Variants in NRXN3 observed in about 807,000 individuals in gnomAD.
NRXN3 encodes the protein neurexin III.
A neutral mutation model predicts 137.6 loss-of-function variants in NRXN3; 32 were observed. That is an observed-to-expected ratio of 0.23 (90% confidence interval 0.18 to 0.31). The LOEUF is 0.31. Among genes scored for constraint, NRXN3 ranks in the 10% least tolerant of loss-of-function variants. The pLI is 1.00. For synonymous variants in NRXN3, 798 were observed against 784.5 expected, an observed-to-expected ratio of 1.02 and a Z score of -0.29; for missense variants, 1,574 against 2,062.5, an observed-to-expected ratio of 0.76 and a Z score of 4.59.
chr14:79,653,604 T>G (rs891780855), intron 16 of NRXN3, among the ~76,000 whole-genome samples: 1 of 152,194 alleles, frequency 6.6e-6, no homozygotes, highest in African/African-American at 2.4e-5. Context: ...TATTTTGAGT[T>G]GATTTTAGTA....
At chr14:79,395,715 A>C (rs2094999698) in intron 15 of NRXN3, among the ~76,000 whole-genome samples, 1 of 152,050 alleles carries the variant, frequency 6.6e-6, no homozygotes, top group Non-Finnish European at 1.5e-5. Context: ...AGGCTGAGTC[A>C]GGAGAATGGC....
intron 4 of NRXN3, among the ~76,000 whole-genome samples, chr14:78,511,735 T>G (rs1291787206): frequency 1.3e-5 from 2 of 152,220 alleles, no homozygotes; most frequent in African/African-American, 4.8e-5. Context: ...CAGCTATTTA[T>G]CCATCATTAC....
At position 79,711,665 on chromosome 14, in the gene NRXN3, T is replaced by C. The variant is rs564103404; in HGVS notation, c.4014+13728T>C. On this transcript the variant is annotated intron_variant, in intron 19 of 20. Coordinates refer to ENST00000335750, the MANE Select transcript of NRXN3 (RefSeq NM_001330195.2). The stretch of plus-strand genomic sequence containing the variant: ...CTTGAACTGTGCCTAGATATCCCCT[T>C]TGGGGAAAAGGCATCACCTTAGTTG... 2.6e-5 allele frequency among the ~76,000 whole-genome samples: 4 copies of C among 152,272 alleles called. No individual in the cohort carries two copies. The South Asian group carries it at 8.3e-4, about 32-fold the overall frequency.
At chr14:79,374,533 G>T (rs1340874458) in intron 15 of NRXN3, among the ~76,000 whole-genome samples, 1 of 151,808 alleles carries the variant, frequency 6.6e-6, no homozygotes, top group Non-Finnish European at 1.5e-5. Flanking sequence ...AATTAATCCT[G>T]CATAATGTGG....
At chr14:78,399,272 TAATAA>T (rs1176499218) in intron 4 of NRXN3, among the ~76,000 whole-genome samples, 5 of 152,086 alleles carry the variant, frequency 3.3e-5, no homozygotes, top group Non-Finnish European at 7.4e-5. Context: ...AAAATACACA[TAATAA>T]AATATTTAAA....
intron 15 of NRXN3, among the ~76,000 whole-genome samples, chr14:79,108,627 G>A (rs2052906135): frequency 6.6e-6 from 1 of 152,040 alleles, no homozygotes; most frequent in South Asian, 2.1e-4. Context: ...CCACATCCAT[G>A]GTAATCACAG....
intron 15 of NRXN3, among the ~76,000 whole-genome samples, chr14:79,142,743 T>A (rs766246093): frequency 6.6e-6 from 1 of 152,152 alleles, no homozygotes; most frequent in Non-Finnish European, 1.5e-5. Flanking sequence ...GCAGCCAAAC[T>A]CTTCACAATT....
chr14:78,487,827 C>T (rs756947514), intron 4 of NRXN3, among the ~76,000 whole-genome samples: 6 of 151,630 alleles, frequency 4.0e-5, no homozygotes, highest in Admixed American at 1.3e-4. Context: ...AATAAAGACT[C>T]GGTAGACATG....
intron 10 of NRXN3, among the ~76,000 whole-genome samples, chr14:78,890,461 G>A (rs556780844): frequency 6.6e-6 from 1 of 151,824 alleles, no homozygotes; most frequent in African/African-American, 2.4e-5. Flanking sequence ...AGGTTTAACT[G>A]TAGGTGGCCA....
chr14:79,091,283 A>G (rs2049127323), intron 15 of NRXN3, among the ~76,000 whole-genome samples: 2 of 152,182 alleles, frequency 1.3e-5, no homozygotes, highest in Admixed American at 6.6e-5. Context: ...AGTATTCTAT[A>G]TAAGGTCTGG....
intron 4 of NRXN3, among the ~76,000 whole-genome samples, chr14:78,503,473 A>C (rs1035923343): frequency 6.6e-6 from 1 of 152,134 alleles, no homozygotes; most frequent in Non-Finnish European, 1.5e-5. Flanking sequence ...GTAGGAATCT[A>C]GGTTGTCAGC....
chr14:79,071,800 A>G (rs73322871), intron 15 of NRXN3, among the ~76,000 whole-genome samples: 6,613 of 152,238 alleles, frequency 0.043, 524 homozygotes, highest in African/African-American at 0.15. Flanking sequence ...TTCATTGCAC[A>G]TGTCAAAATA....
chr14:79,800,505 A>T (rs980672598), intron 19 of NRXN3, among the ~76,000 whole-genome samples: 3 of 152,204 alleles, frequency 2.0e-5, no homozygotes, highest in Admixed American at 6.5e-5. Context: ...TAAGTAATTA[A>T]AAGTAATTAC....
chr14:78,791,526 T>C (rs1333788030), intron 8 of NRXN3, among the ~76,000 whole-genome samples: 1 of 152,184 alleles, frequency 6.6e-6, no homozygotes, highest in Non-Finnish European at 1.5e-5. Flanking sequence ...GAATTATTAC[T>C]AATATCCTTA....
chr14:78,659,362 T>A (rs967625617), intron 6 of NRXN3, among the ~76,000 whole-genome samples: 6 of 152,218 alleles, frequency 3.9e-5, no homozygotes, highest in East Asian at 1.9e-4. Context: ...AGAGCTTTTT[T>A]ATGGGTTGAC....
At chr14:78,336,600 G>T (rs1217655693) in intron 4 of NRXN3, among the ~76,000 whole-genome samples, 1 of 152,100 alleles carries the variant, frequency 6.6e-6, no homozygotes, top group Non-Finnish European at 1.5e-5. Context: ...ATACTCCACA[G>T]GTCTTAAGTG....
intron 15 of NRXN3, among the ~76,000 whole-genome samples, chr14:79,418,691 A>G (rs1396432851): frequency 6.6e-6 from 1 of 152,234 alleles, no homozygotes; most frequent in Admixed American, 6.5e-5. Context: ...ACTCTTAAGA[A>G]GTTCATAGCC....
chr14:79,064,651 CAAAT>C (rs1441161555), intron 15 of NRXN3, among the ~76,000 whole-genome samples: 1 of 148,966 alleles, frequency 6.7e-6, no homozygotes, highest in African/African-American at 2.5e-5. Context: ...AGCATATTAA[CAAAT>C]ATATATGGGT....
At chr14:79,342,112 A>G (rs911076101) in intron 15 of NRXN3, among the ~76,000 whole-genome samples, 5 of 152,212 alleles carry the variant, frequency 3.3e-5, no homozygotes, top group Non-Finnish European at 7.4e-5. Context: ...CTGGGAGTGG[A>G]GGTATTGGTG....
Sources: gnomAD v4.1 joint callset for allele counts (sites outside exome capture counted in the v4.1 genomes callset) on GRCh38, gnomAD v4.1.1 for gene constraint, MANE v1.5 for transcripts, NCBI Gene and HGNC (gene_info 2026-07-23, HGNC 2026-07-21) for gene names.